The following ARID2 variants were observed in gnomAD, a reference collection of about 807,000 sequenced individuals.
ARID2 encodes the protein AT-rich interactive domain-containing protein 2.
ARID2 carries 32 observed loss-of-function variants against 184.6 expected under a neutral mutation model. The ratio of observed to expected loss-of-function variants is 0.17; its 90% CI spans 0.13 to 0.23. ARID2 has a LOEUF of 0.23. Among genes scored for constraint, ARID2 ranks in the 10% least tolerant of loss-of-function variants. ARID2 has a pLI of 1.00. For synonymous variants in ARID2, 836 were observed against 772.6 expected (o/e 1.08, Z -1.36); for missense variants, 1,696 against 2,197.6 (o/e 0.77, Z 4.56).
At chr12:45,838,597 T>A (rs1028082561) in intron 10 of ARID2, among the ~76,000 whole-genome samples, 2 of 152,076 alleles carry the variant, frequency 1.3e-5, no homozygotes, top group Non-Finnish European at 2.9e-5. Flanking sequence ...AGATCTCATC[T>A]GTACGAAAAA....
At chr12:45,820,798 G>A (rs1236017387) in intron 5 of ARID2, among the ~76,000 whole-genome samples, 1 of 152,160 alleles carries the variant, frequency 6.6e-6, no homozygotes. Context: ...TTTTGGTGGG[G>A]AAGTGAGGGC....
At chr12:45,895,503 C>T (rs1944357656) in intron 20 of ARID2, among the ~76,000 whole-genome samples, 1 of 152,132 alleles carries the variant, frequency 6.6e-6, no homozygotes, top group African/African-American at 2.4e-5. Flanking sequence ...GATTGATAGA[C>T]AGGTGGTGGG....
At chr12:45,775,738 T>G (rs1941963599) in intron 3 of ARID2, among the ~76,000 whole-genome samples, 1 of 152,212 alleles carries the variant, frequency 6.6e-6, no homozygotes, top group African/African-American at 2.4e-5. Context: ...CTGTGTTAAT[T>G]TTACTGCCAG....
rs2138160408 is a variant in ARID2 at position 45,850,272 on chromosome 12, A to G, written c.2149A>G (p.Thr717Ala). The change falls in exon 15 of 21, where the codon ACA (threonine) becomes GCA (alanine). Residue 717 changes from threonine (T) to alanine (A), a missense_variant. Transcript: ENST00000334344. The stretch of plus-strand genomic sequence containing the variant: ...AATTCCTTGTGAAGTTGTTAAGGCT[A>G]CAGTTATCCAGAATTCCATACCCCA... ...APIPCEVVKA[T>A]VIQNSIPQTG... 1 of 1,614,144 alleles carries G rather than the reference A, an allele frequency of 6.2e-7. No individual in the cohort carries two copies. The highest frequency in any genetic ancestry group is 8.5e-7 in the Non-Finnish European group (1 of 1,180,006).
At chr12:45,777,694 A>G (rs1207937406) in intron 3 of ARID2, among the ~76,000 whole-genome samples, 2 of 151,588 alleles carry the variant, frequency 1.3e-5, no homozygotes, top group African/African-American at 4.8e-5. Context: ...TTTTTATTTT[A>G]TGTTAGTTTA....
intron 6 of ARID2, among the ~76,000 whole-genome samples, chr12:45,832,984 A>G (rs1943149751): frequency 6.6e-6 from 1 of 152,148 alleles, no homozygotes; most frequent in African/African-American, 2.4e-5. Context: ...ATACTGAGGG[A>G]TGACTGAATA....
Position 45,850,096 on chromosome 12 carries a change from A to G in ARID2, c.1973A>G (p.Gln658Arg), listed in dbSNP as rs1467228632. ...NHFQRTPVAN[Q>R]SSNLTATQMS... ...TTTCAGAGGACTCCTGTTGCCAACC[A>G]ATCTTCAAATCTGACTGCAACACAA... is the stretch of plus-strand genomic sequence containing the variant. Residue 658 changes from glutamine (Q) to arginine (R), a missense_variant, in exon 15 of 21, where the codon CAA (glutamine) becomes CGA (arginine). Around this residue, in one of 11 missense-constraint regions of ARID2, gnomAD observed 713 missense variants for 824.4 expected, o/e 0.86. Coordinates refer to ENST00000334344, the MANE Select transcript of ARID2 (RefSeq NM_152641.4). The G allele has an allele frequency of 1.9e-6, 3 of 1,614,038 alleles. No individual in the cohort carries two copies. The highest frequency in any genetic ancestry group is 1.1e-5 in the South Asian group (1 of 91,084).
In ARID2 at chr12:45,797,080, C is replaced by T. The variant is rs150862171; in HGVS notation, c.285-14338C>T. Among the ~76,000 whole-genome samples the T allele has an allele frequency of 3.6e-3, 554 of 152,176 alleles. 1 individual carries two copies. The highest frequency in any genetic ancestry group is 6.1e-3 in the Non-Finnish European group (414 of 68,002). On this transcript the variant is annotated intron_variant, in intron 3 of 20. Coordinates refer to ENST00000334344, the MANE Select transcript of ARID2 (RefSeq NM_152641.4). ...TGTTTTAAAAAATCATGTCATTGCT[C>T]ATTTTAAAAATTATAATATCAATCC...
At chr12:45,904,613 C>T (rs1432103759) in intron 20 of ARID2, among the ~76,000 whole-genome samples, 7 of 150,262 alleles carry the variant, frequency 4.7e-5, no homozygotes, top group African/African-American at 1.5e-4. Flanking sequence ...ATCACTTGAA[C>T]CCGGGAGGTG....
rs1177848636 is a variant in ARID2 at position 45,811,567 on chromosome 12, A to G, written c.418+16A>G. 1.2e-5 allele frequency: 19 copies of G among 1,611,332 alleles called. No individual in the cohort carries two copies. The highest frequency in any genetic ancestry group is 1.5e-5 in the Non-Finnish European group (18 of 1,178,808). On this transcript the variant is annotated intron_variant, in intron 4 of 20. Transcript: ENST00000334344. ...AGTGTGTCGGGTAAATATCACTGCA[A>G]ATTAACAGGATATATGTCCGCAGTT...
chr12:45,898,813 C>A (rs1024392970), intron 20 of ARID2, among the ~76,000 whole-genome samples: 5 of 151,196 alleles, frequency 3.3e-5, no homozygotes, highest in African/African-American at 1.2e-4. Context: ...GCTACTCAGG[C>A]TGAGGCAGGA....
At chr12:45,814,680 G>T (rs1055895146) in intron 4 of ARID2, among the ~76,000 whole-genome samples, 2 of 152,066 alleles carry the variant, frequency 1.3e-5, no homozygotes, top group African/African-American at 4.8e-5. Context: ...CCTCATTCCA[G>T]TTATAAAATT....
chr12:45,769,626 CTG>C (rs1941831601), intron 3 of ARID2, among the ~76,000 whole-genome samples: 3 of 152,174 alleles, frequency 2.0e-5, no homozygotes, highest in Admixed American at 2.0e-4. Context: ...GGAAGAAGGA[CTG>C]AACATTTTTC....
intron 3 of ARID2, among the ~76,000 whole-genome samples, chr12:45,751,117 T>G (rs978233307): frequency 6.6e-6 from 1 of 152,172 alleles, no homozygotes; most frequent in African/African-American, 2.4e-5. Context: ...TGCTAGCTAA[T>G]AGCACAAGGA....
Position 45,839,417 on chromosome 12 carries a change from C to T in ARID2, c.1419C>T (p.Ser473=), listed in dbSNP as rs1943293978. 1 of 1,613,956 alleles carries T rather than the reference C, an allele frequency of 6.2e-7. No individual in the cohort carries two copies. Among genetic ancestry groups the T allele is most frequent in the South Asian group, 1.1e-5 (1 of 91,080 alleles). Residue 473 remains serine (S), a synonymous_variant, in exon 11 of 21, where the codon TCC becomes TCT. Coordinates refer to ENST00000334344, the MANE Select transcript of ARID2 (RefSeq NM_152641.4). ...AAVKLIEHPS[S]SHQMLSEIRP... is the part of the protein sequence containing the mutation. ...TAAAACTCATTGAACACCCAAGTTC[C>T]AGTCATCAAATGTTATCTGAAATTA...
At chr12:45,800,730 G>T (rs1942482977) in intron 3 of ARID2, among the ~76,000 whole-genome samples, 1 of 151,890 alleles carries the variant, frequency 6.6e-6, no homozygotes, top group African/African-American at 2.4e-5. Flanking sequence ...ATATCTTATT[G>T]TGCTATAAAT....
intron 3 of ARID2, among the ~76,000 whole-genome samples, chr12:45,768,134 C>T (rs1042677615): frequency 2.0e-5 from 3 of 152,178 alleles, no homozygotes; most frequent in African/African-American, 4.8e-5. Context: ...CAGACTGGTG[C>T]AGCCAAGAAC....
intron 15 of ARID2, 70 bp downstream of exon 15, chr12:45,852,966 GC>G (rs1302934076): frequency 6.9e-7 from 1 of 1,448,796 alleles, no homozygotes; most frequent in Non-Finnish European, 9.0e-7. Context: ...AGAGGGAAAT[GC>G]ACTGTTTTCC....
chr12:45,888,962 C>T (rs1592142841), intron 16 of ARID2, among the ~76,000 whole-genome samples: 1 of 152,048 alleles, frequency 6.6e-6, no homozygotes, highest in African/African-American at 2.4e-5. Context: ...CCAAGGCAGG[C>T]GAATCACTTG....
Sources: allele counts gnomAD v4.1 joint callset (sites outside exome capture counted in the v4.1 genomes callset), GRCh38; gene constraint gnomAD v4.1.1; regional missense constraint gnomAD v4.1.1; transcripts MANE v1.5; gene names NCBI Gene and HGNC (gene_info 2026-07-23, HGNC 2026-07-21).